SH3GL2: variants seen among roughly 807,000 people sequenced by gnomAD.
SH3GL2 encodes the protein SH3 domain containing GRB2 like 2, endophilin A1, also known as endophilin-A1.
Under a neutral mutation model 46.0 loss-of-function variants are expected in SH3GL2, and 24 were observed. That is an observed-to-expected ratio of 0.52 (90% CI 0.38 to 0.73). The LOEUF (loss-of-function observed/expected upper bound fraction) is 0.73. SH3GL2 is among the 30% of genes least tolerant of loss of function. The pLI, the probability that SH3GL2 is intolerant of heterozygous loss-of-function variation, is 0.00. For synonymous variants in SH3GL2, 196 were observed against 147.1 expected (o/e 1.33, Z -2.40); for missense variants, 413 against 424.2 (o/e 0.97, Z 0.23).
At chr9:17,614,968 C>T (rs1818951682) in intron 1 of SH3GL2, among the ~76,000 whole-genome samples, 2 of 152,194 alleles carry the variant, frequency 1.3e-5, no homozygotes, top group Non-Finnish European at 1.5e-5. Flanking sequence ...TCTGTAGCCT[C>T]CAGCAACCAC....
intron 4 of SH3GL2, among the ~76,000 whole-genome samples, chr9:17,787,173 C>T (rs1214869204): frequency 6.6e-6 from 1 of 152,128 alleles, no homozygotes; most frequent in Admixed American, 6.6e-5. Context: ...GAAAAAGTAA[C>T]TGTTCCATTC....
Position 17,714,687 on chromosome 9 carries a change from T to C in SH3GL2, c.46-32379T>C, listed in dbSNP as rs114241844. 8.5e-3 allele frequency among the ~76,000 whole-genome samples: 1,286 copies of C among 151,974 alleles called. 24 individuals are homozygous for C. The highest frequency in any genetic ancestry group is 0.029 in the African/African-American group (1,202 of 41,542). Reference sequence around the variant, plus strand: ...TGGCCTTTATGTTACTGTTGTCGTATATATATTTTACTTTTAGCTATATTA... The same window carrying C: ...TGGCCTTTATGTTACTGTTGTCGTACATATATTTTACTTTTAGCTATATTA... On this transcript the variant is annotated intron_variant, in intron 1 of 8. Coordinates refer to ENST00000380607, the MANE Select transcript of SH3GL2 (RefSeq NM_003026.5).
intron 1 of SH3GL2, among the ~76,000 whole-genome samples, chr9:17,665,155 C>A (rs1412120885): frequency 1.3e-5 from 2 of 152,024 alleles, no homozygotes; most frequent in Non-Finnish European, 2.9e-5. Context: ...GTAGACTAAC[C>A]CTTAACTGTT....
chr9:17,682,065 T>C (rs1031291478), intron 1 of SH3GL2, among the ~76,000 whole-genome samples: 3 of 151,906 alleles, frequency 2.0e-5, no homozygotes, highest in African/African-American at 7.3e-5. Flanking sequence ...CAAGAAACAA[T>C]AGATGTGAGC....
At chr9:17,770,054 G>C (rs1355102240) in intron 3 of SH3GL2, among the ~76,000 whole-genome samples, 1 of 152,176 alleles carries the variant, frequency 6.6e-6, no homozygotes, top group Non-Finnish European at 1.5e-5. Flanking sequence ...TACGGGAGTA[G>C]CTAACTTTTC....
intron 5 of SH3GL2, 64 bp from the exon 6 acceptor site, chr9:17,789,328 T>C: frequency 7.5e-7 from 1 of 1,332,640 alleles, no homozygotes; most frequent in Admixed American, 1.9e-5. Flanking sequence ...GATGGAGAAG[T>C]GAGCTCAAAT....
chr9:17,646,201 G>A (rs374423295), intron 1 of SH3GL2, among the ~76,000 whole-genome samples: 2 of 151,606 alleles, frequency 1.3e-5, no homozygotes, highest in African/African-American at 2.4e-5. Context: ...CCAAGTTCTC[G>A]TGCTATGTTT....
At chr9:17,685,671 G>C (rs1588238291) in intron 1 of SH3GL2, among the ~76,000 whole-genome samples, 1 of 152,128 alleles carries the variant, frequency 6.6e-6, no homozygotes, top group South Asian at 2.1e-4. Context: ...CATATGGCTA[G>C]CCAGTTTTCC....
At chr9:17,596,090 G>A (rs764821330) in intron 1 of SH3GL2, among the ~76,000 whole-genome samples, 9 of 152,028 alleles carry the variant, frequency 5.9e-5, no homozygotes, top group Admixed American at 5.2e-4. Context: ...GAGCCATCAC[G>A]GGGACTAGGA....
At chr9:17,676,897 C>T (rs374981793) in intron 1 of SH3GL2, among the ~76,000 whole-genome samples, 6 of 152,252 alleles carry the variant, frequency 3.9e-5, no homozygotes, top group African/African-American at 1.4e-4. Flanking sequence ...CTCCATAATA[C>T]TGCTTTCTAC....
At chr9:17,759,725 G>T (rs1170522816) in intron 2 of SH3GL2, among the ~76,000 whole-genome samples, 2 of 152,120 alleles carry the variant, frequency 1.3e-5, no homozygotes, top group Non-Finnish European at 2.9e-5. Context: ...CCCCTTAACA[G>T]CAGATGACAT....
At chr9:17,695,393 T>C (rs1821177900) in intron 1 of SH3GL2, among the ~76,000 whole-genome samples, 1 of 152,140 alleles carries the variant, frequency 6.6e-6, no homozygotes, top group South Asian at 2.1e-4. Context: ...TGAAGATTTT[T>C]ATTTCCAGGG....
chr9:17,725,738 C>T (rs146300774), intron 1 of SH3GL2, among the ~76,000 whole-genome samples: 3 of 152,256 alleles, frequency 2.0e-5, no homozygotes, highest in Non-Finnish European at 4.4e-5. Flanking sequence ...AGCCTTGCTG[C>T]ACAAATGGGA....
rs1824128589 is a variant in SH3GL2, at chr9:17,791,482, TTTG to T, written c.728+151_728+153del. ...GAGGCGCCTTGTGGATTGTTTTGAT[TTTG>T]TTTTTTCTTGTGCTTTGTTTTACGT... On this transcript the variant is annotated intron_variant, in intron 7 of 8. Coordinates refer to ENST00000380607, the MANE Select transcript of SH3GL2 (RefSeq NM_003026.5). 4.8e-6 allele frequency: 3 copies of T among 624,032 alleles called. No individual in the cohort carries two copies. The East Asian group carries it at 8.3e-5, about 17-fold the overall frequency. 38.7% of individuals were successfully genotyped at this position (624,032 alleles called of 1,614,324 possible).
intron 1 of SH3GL2, among the ~76,000 whole-genome samples, chr9:17,651,516 C>T (rs975497186): frequency 7.2e-5 from 11 of 152,254 alleles, no homozygotes; most frequent in African/African-American, 2.6e-4. Context: ...GAGGAATACT[C>T]TTCACTTTGT....
chr9:17,652,014 T>A (rs1217707641), intron 1 of SH3GL2, among the ~76,000 whole-genome samples: 3 of 152,200 alleles, frequency 2.0e-5, no homozygotes, highest in Non-Finnish European at 4.4e-5. Context: ...AGTGGTTCAT[T>A]AATCAGTCTG....
At chr9:17,760,697 A>G (rs1823144589) in intron 2 of SH3GL2, among the ~76,000 whole-genome samples, 1 of 152,160 alleles carries the variant, frequency 6.6e-6, no homozygotes, top group South Asian at 2.1e-4. Context: ...ATTTATTCTC[A>G]TTAGTCATTT....
intron 1 of SH3GL2, among the ~76,000 whole-genome samples, chr9:17,743,449 C>A (rs1299962500): frequency 6.6e-6 from 1 of 152,088 alleles, no homozygotes; most frequent in Non-Finnish European, 1.5e-5. Context: ...AACTGTCTCT[C>A]TCAGCAGCTC....
At chr9:17,736,996 T>G (rs1009262908) in intron 1 of SH3GL2, among the ~76,000 whole-genome samples, 1 of 152,078 alleles carries the variant, frequency 6.6e-6, no homozygotes, top group African/African-American at 2.4e-5. Context: ...ATGTGGCACA[T>G]ATACACCATG....
Sources: gnomAD v4.1 joint callset for allele counts (sites outside exome capture counted in the v4.1 genomes callset) on GRCh38, gnomAD v4.1.1 for gene constraint, MANE v1.5 for transcripts, NCBI Gene and HGNC (gene_info 2026-07-23, HGNC 2026-07-21) for gene names.